PEX5L: variants seen among roughly 807,000 people sequenced by gnomAD.
PEX5L encodes the protein PEX5-related protein.
Under a neutral mutation model 84.0 loss-of-function variants are expected in PEX5L, and 30 were observed. That is an observed-to-expected ratio of 0.36 (90% CI 0.27 to 0.48). The LOEUF (loss-of-function observed/expected upper bound fraction) is 0.48. Among genes scored for constraint, PEX5L ranks in the 20% least tolerant of loss-of-function variants. The pLI is 0.99. For synonymous variants in PEX5L, 270 were observed against 283.1 expected (o/e 0.95, Z 0.46); for missense variants, 533 against 754.6 (o/e 0.71, Z 3.44).
At chr3:179,919,499 T>C (rs528185149) in intron 2 of PEX5L, among the ~76,000 whole-genome samples, 8 of 152,266 alleles carry the variant, frequency 5.3e-5, no homozygotes, top group African/African-American at 1.9e-4. Flanking sequence ...TCTGGCTCCA[T>C]TCTGCTTAGG....
chr3:179,914,690 C>T (rs1766401505), intron 2 of PEX5L, among the ~76,000 whole-genome samples: 1 of 152,210 alleles, frequency 6.6e-6, no homozygotes, highest in Admixed American at 6.5e-5. Context: ...CCTTCCCAAA[C>T]CTCTCCACCA....
At chr3:179,843,323 CA>C (rs1738017502) in intron 8 of PEX5L, among the ~76,000 whole-genome samples, 1 of 152,188 alleles carries the variant, frequency 6.6e-6, no homozygotes, top group Non-Finnish European at 1.5e-5. Flanking sequence ...AACTAAATCA[CA>C]ATCTCTGGGG....
At chr3:179,868,341 T>C (rs959857581) in intron 7 of PEX5L, among the ~76,000 whole-genome samples, 1 of 152,060 alleles carries the variant, frequency 6.6e-6, no homozygotes, top group Admixed American at 6.6e-5. Flanking sequence ...TTTCAAATAA[T>C]ATATAAAAAT....
chr3:180,018,082 G>A (rs935530280), intron 1 of PEX5L, among the ~76,000 whole-genome samples: 1 of 152,152 alleles, frequency 6.6e-6, no homozygotes, highest in Admixed American at 6.5e-5. Context: ...ATTTATTATG[G>A]TTGTACAGTG....
chr3:179,950,826 T>C (rs952049146), intron 2 of PEX5L, among the ~76,000 whole-genome samples: 3 of 152,030 alleles, frequency 2.0e-5, no homozygotes, highest in African/African-American at 7.2e-5. Flanking sequence ...CCTGGCTAAG[T>C]GAGTGATGGA....
intron 2 of PEX5L, among the ~76,000 whole-genome samples, chr3:179,899,522 A>C (rs1454279686): frequency 1.3e-5 from 2 of 152,156 alleles, no homozygotes; most frequent in African/African-American, 2.4e-5. Context: ...ATGCAACAAA[A>C]AGGATACAAT....
intron 7 of PEX5L, among the ~76,000 whole-genome samples, chr3:179,872,314 A>C (rs1750677939): frequency 2.0e-5 from 3 of 152,214 alleles, no homozygotes; most frequent in Admixed American, 2.0e-4. Flanking sequence ...TAATTTAACC[A>C]TAGGCTGAAA....
At chr3:179,986,638 G>A (rs1445503162) in intron 1 of PEX5L, among the ~76,000 whole-genome samples, 1 of 152,040 alleles carries the variant, frequency 6.6e-6, no homozygotes, top group Non-Finnish European at 1.5e-5. Context: ...TCCTGACCTC[G>A]TGATCCGCCC....
intron 2 of PEX5L, among the ~76,000 whole-genome samples, chr3:179,923,613 C>T (rs893897091): frequency 3.9e-5 from 6 of 152,158 alleles, no homozygotes; most frequent in South Asian, 4.1e-4. Flanking sequence ...TTGAAAATCA[C>T]GGGCATAAGG....
At chr3:180,025,626 G>A (rs190761559) in intron 1 of PEX5L, among the ~76,000 whole-genome samples, 2 of 152,186 alleles carry the variant, frequency 1.3e-5, no homozygotes, top group African/African-American at 2.4e-5. Context: ...GAATAGTGAC[G>A]GATGAGTAAA....
chr3:179,896,175 G>A (rs1286009577), intron 3 of PEX5L: 2 of 152,064 alleles, frequency 1.3e-5, no homozygotes, highest in African/African-American at 4.8e-5. Context: ...TGTGTATAGT[G>A]GAAAAAGTAT....
intron 2 of PEX5L, among the ~76,000 whole-genome samples, chr3:179,965,186 G>A (rs1783034018): frequency 6.6e-6 from 1 of 152,204 alleles, no homozygotes; most frequent in African/African-American, 2.4e-5. Flanking sequence ...ATGTCTAATA[G>A]TAAACCAGTG....
At chr3:180,001,347 A>G (rs1407619120) in intron 1 of PEX5L, among the ~76,000 whole-genome samples, 1 of 148,132 alleles carries the variant, frequency 6.8e-6, no homozygotes, top group African/African-American at 2.4e-5. Flanking sequence ...AATAAAATAT[A>G]TAATATATAT....
intron 8 of PEX5L, among the ~76,000 whole-genome samples, chr3:179,836,481 C>G (rs993550297): frequency 1.3e-5 from 2 of 152,058 alleles, no homozygotes; most frequent in Non-Finnish European, 2.9e-5. Context: ...TTACAGGCCA[C>G]CAAAACTAAG....
intron 8 of PEX5L, among the ~76,000 whole-genome samples, chr3:179,827,046 C>G (rs1175158892): frequency 1.3e-5 from 2 of 152,176 alleles, no homozygotes; most frequent in African/African-American, 4.8e-5. Context: ...GTAAATGATA[C>G]AACCAGAAAT....
intron 14 of PEX5L, among the ~76,000 whole-genome samples, chr3:179,802,482 C>G (rs1196584040): frequency 6.9e-6 from 1 of 144,602 alleles, no homozygotes; most frequent in African/African-American, 2.6e-5. Flanking sequence ...TTGCAGTGAG[C>G]CGAGATCACA....
intron 9 of PEX5L, among the ~76,000 whole-genome samples, chr3:179,816,572 C>T (rs1308283213): frequency 6.6e-6 from 1 of 151,878 alleles, no homozygotes; most frequent in Non-Finnish European, 1.5e-5. Context: ...GAACATCACA[C>T]ACTGGGGCCT....
At chr3:179,851,662 A>C (rs1225564031) in intron 8 of PEX5L, among the ~76,000 whole-genome samples, 1 of 152,192 alleles carries the variant, frequency 6.6e-6, no homozygotes, top group Non-Finnish European at 1.5e-5. Flanking sequence ...GCCCTCTGCA[A>C]TAGGACATAT....
chr3:179,923,290 CAAAAA>C (rs34537913), intron 2 of PEX5L, among the ~76,000 whole-genome samples: 3 of 81,132 alleles, frequency 3.7e-5, no homozygotes, highest in Non-Finnish European at 6.8e-5. Context: ...GACTCCATCT[CAAAAA>C]AAAAAAAAAA....
Sources: allele counts gnomAD v4.1 joint callset (sites outside exome capture counted in the v4.1 genomes callset), GRCh38; gene constraint gnomAD v4.1.1; transcripts MANE v1.5; gene names NCBI Gene and HGNC (gene_info 2026-07-23, HGNC 2026-07-21).